Variants in NTN4 observed in about 807,000 individuals in gnomAD.
The protein encoded by NTN4 is netrin-4.
Under a neutral mutation model 73.6 loss-of-function variants are expected in NTN4, and 32 were observed. The observed-to-expected ratio is 0.44, with a 90% CI of 0.33 to 0.58. NTN4 has a LOEUF of 0.58. NTN4 is among the 20% of genes least tolerant of loss of function. The pLI, the probability that NTN4 is intolerant of heterozygous loss-of-function variation, is 0.04. For synonymous variants in NTN4, 258 were observed against 287.5 expected (o/e 0.90, Z 1.04); for missense variants, 654 against 798.3 (o/e 0.82, Z 2.18).
chr12:95,700,901 C>T (rs1467370501), intron 5 of NTN4, among the ~76,000 whole-genome samples: 1 of 148,568 alleles, frequency 6.7e-6, no homozygotes, highest in South Asian at 2.1e-4. Context: ...GCAACTTCTG[C>T]CTCCTCGGTT....
intron 2 of NTN4, among the ~76,000 whole-genome samples, chr12:95,741,438 TATATATATATATA>T (rs1565903682): frequency 0.025 from 2,495 of 101,038 alleles, 204 homozygotes; most frequent in African/African-American, 0.083. Flanking sequence ...TATATATATA[TATATATATATATA>T]TATATATATA....
intron 7 of NTN4, among the ~76,000 whole-genome samples, chr12:95,679,994 T>C (rs1237693764): frequency 6.6e-6 from 1 of 152,154 alleles, no homozygotes; most frequent in African/African-American, 2.4e-5. Context: ...TCTTACCTCC[T>C]TCAGAATTTT....
At chr12:95,751,788 G>A (rs12303909) in intron 2 of NTN4, among the ~76,000 whole-genome samples, 96,389 of 122,398 alleles carry the variant, frequency 0.79, 38,639 homozygotes, top group South Asian at 0.88. Flanking sequence ...TTCTTTTCAA[G>A]GGCCTGTTTC....
At chr12:95,761,816 GT>G (rs1460539494) in intron 2 of NTN4, among the ~76,000 whole-genome samples, 2 of 151,990 alleles carry the variant, frequency 1.3e-5, no homozygotes, top group Non-Finnish European at 2.9e-5. Context: ...TTAACACATA[GT>G]TTTTTTCTTT....
chr12:95,774,727 A>G (rs35569903), intron 2 of NTN4, among the ~76,000 whole-genome samples: 6,728 of 152,314 alleles, frequency 0.044, 495 homozygotes, highest in African/African-American at 0.15. Context: ...CATGGCCTAG[A>G]GACAAATGAA....
At chr12:95,725,153 T>C (rs2078682953) in intron 3 of NTN4, among the ~76,000 whole-genome samples, 1 of 152,012 alleles carries the variant, frequency 6.6e-6, no homozygotes, top group African/African-American at 2.4e-5. Context: ...AAAAATAGAA[T>C]TAACAATATA....
intron 5 of NTN4, among the ~76,000 whole-genome samples, chr12:95,695,785 C>A (rs1275700930): frequency 6.6e-6 from 1 of 152,118 alleles, no homozygotes; most frequent in Admixed American, 6.5e-5. Flanking sequence ...TCTAAGAGAT[C>A]TTAGGCAGCT....
At chr12:95,768,921 A>C (rs1205008792) in intron 2 of NTN4, among the ~76,000 whole-genome samples, 1 of 152,182 alleles carries the variant, frequency 6.6e-6, no homozygotes, top group Non-Finnish European at 1.5e-5. Flanking sequence ...AGAAACTCTC[A>C]GCTTTTTGCT....
At chr12:95,682,615 A>G in intron 7 of NTN4, 92 bp downstream of exon 7, 1 of 768,584 alleles carries the variant, frequency 1.3e-6, no homozygotes, top group South Asian at 1.7e-5. Flanking sequence ...AGTTCCCCTC[A>G]TAGGATCCAA....
Position 95,670,077 on chromosome 12 carries a change from C to T in NTN4, c.1579+1G>A. 1 of 1,578,716 alleles carries T rather than the reference C, an allele frequency of 6.3e-7. No individual in the cohort carries two copies. Among genetic ancestry groups the T allele is most frequent in the Non-Finnish European group, 8.6e-7 (1 of 1,156,216 alleles). On this transcript the variant is annotated splice_donor_variant, in intron 8 of 9. Transcript: ENST00000343702. LOFTEE classifies it high-confidence loss of function. ...GAAGCATTCAAGGATTTCAGACTCA[C>T]CATATGAATATTTCATTCCACAGAA... is the stretch of plus-strand genomic sequence containing the variant.
chr12:95,712,199 G>C (rs939743991), intron 4 of NTN4, among the ~76,000 whole-genome samples: 2 of 152,148 alleles, frequency 1.3e-5, no homozygotes, highest in African/African-American at 4.8e-5. Context: ...AATGGCTCAT[G>C]TTCCCATATT....
At chr12:95,701,048 A>T (rs1376611138) in intron 5 of NTN4, among the ~76,000 whole-genome samples, 1 of 152,066 alleles carries the variant, frequency 6.6e-6, no homozygotes, top group Non-Finnish European at 1.5e-5. Context: ...TCCTGACCTC[A>T]GGTGATCTGC....
At chr12:95,708,546 T>G (rs189813175) in intron 5 of NTN4, among the ~76,000 whole-genome samples, 1 of 152,138 alleles carries the variant, frequency 6.6e-6, no homozygotes, top group African/African-American at 2.4e-5. Context: ...CCTGAGCCAC[T>G]GCGCCCAGCC....
intron 2 of NTN4, among the ~76,000 whole-genome samples, chr12:95,778,243 T>G (rs1031251120): frequency 1.3e-5 from 2 of 151,890 alleles, no homozygotes; most frequent in African/African-American, 4.8e-5. Context: ...AACATCACAA[T>G]TAAAAGAACT....
At chr12:95,738,176 T>A (rs373362491) in intron 2 of NTN4, 32 bp from the exon 3 acceptor site, 1 of 1,583,934 alleles carries the variant, frequency 6.3e-7, no homozygotes, top group Non-Finnish European at 8.6e-7. Context: ...CATGCGTTTA[T>A]AGGACTGTGC....
At chr12:95,683,117 T>A (rs2078331993) in intron 6 of NTN4, among the ~76,000 whole-genome samples, 1 of 152,188 alleles carries the variant, frequency 6.6e-6, no homozygotes, top group South Asian at 2.1e-4. Flanking sequence ...TGGAGTGCAA[T>A]GGTGCAATCT....
At chr12:95,711,306 G>A (rs963995288) in intron 4 of NTN4, among the ~76,000 whole-genome samples, 4 of 152,132 alleles carry the variant, frequency 2.6e-5, no homozygotes, top group Admixed American at 2.0e-4. Flanking sequence ...ACTTACCAAC[G>A]GGGATTGACA....
intron 3 of NTN4, among the ~76,000 whole-genome samples, chr12:95,726,303 A>T (rs1175818259): frequency 6.6e-6 from 1 of 152,180 alleles, no homozygotes; most frequent in Non-Finnish European, 1.5e-5. Context: ...ATACCTGCCA[A>T]TCACCAACCT....
chr12:95,735,905 T>TTTTATTTATTTATTTA (rs201591613), intron 3 of NTN4, among the ~76,000 whole-genome samples: 5 of 101,616 alleles, frequency 4.9e-5, no homozygotes, highest in Non-Finnish European at 1.0e-4. Flanking sequence ...TTTTTTAAAT[T>TTTTATTTATTTATTTA]TTTATTTATT....
Sources: gnomAD v4.1 joint callset for allele counts (sites outside exome capture counted in the v4.1 genomes callset) on GRCh38, gnomAD v4.1.1 for gene constraint, MANE v1.5 for transcripts, NCBI Gene and HGNC (gene_info 2026-07-23, HGNC 2026-07-21) for gene names.